DPP6: variants seen among roughly 807,000 people sequenced by gnomAD.
DPP6 encodes the protein dipeptidyl peptidase like 6.
A neutral mutation model predicts 122.6 loss-of-function variants in DPP6; 69 were observed. The ratio of observed to expected loss-of-function variants is 0.56; its 90% CI spans 0.46 to 0.69. DPP6 has a LOEUF of 0.69. DPP6 is among the 30% of genes least tolerant of loss of function. The pLI is 0.00. For missense variants in DPP6, 928 were observed against 1,116.9 expected (o/e 0.83, Z 2.41); for synonymous variants, 418 against 433.1 (o/e 0.97, Z 0.43).
chr7:154,459,015 G>A (rs1205288848), intron 2 of DPP6, among the ~76,000 whole-genome samples: 1 of 152,208 alleles, frequency 6.6e-6, no homozygotes, highest in African/African-American at 2.4e-5. Flanking sequence ...AGGAGAGGAA[G>A]AGGAATAGGA....
chr7:153,867,676 TC>T, the DPP6 span, among the ~76,000 whole-genome samples: 1 of 152,194 alleles, frequency 6.6e-6, no homozygotes, highest in Admixed American at 6.5e-5. Context: ...GGCCAGAACT[TC>T]CAACACTATG....
intron 8 of DPP6, among the ~76,000 whole-genome samples, chr7:154,730,829 A>G (rs1842303678): frequency 6.6e-6 from 1 of 152,242 alleles, no homozygotes; most frequent in Non-Finnish European, 1.5e-5. Context: ...GAGATTTAAA[A>G]TATCTTTTTT....
intron 5 of DPP6, among the ~76,000 whole-genome samples, chr7:154,598,212 CTGCT>C (rs1463444126): frequency 6.6e-6 from 1 of 152,174 alleles, no homozygotes; most frequent in Non-Finnish European, 1.5e-5. Flanking sequence ...ATATATGAAA[CTGCT>C]TGCGTTTCAC....
chr7:154,164,083 A>G (rs548153783), intron 1 of DPP6, among the ~76,000 whole-genome samples: 1 of 152,024 alleles, frequency 6.6e-6, no homozygotes, highest in Non-Finnish European at 1.5e-5. Context: ...CCAGGCACCC[A>G]AGGTCTGGCC....
At chr7:153,757,982 G>A in the DPP6 span, among the ~76,000 whole-genome samples, 1 of 152,092 alleles carries the variant, frequency 6.6e-6, no homozygotes, top group Admixed American at 6.6e-5. Flanking sequence ...AAGAAAGAAA[G>A]AACCATAGGC....
At chr7:154,275,594 C>A (rs1489971275) in intron 1 of DPP6, among the ~76,000 whole-genome samples, 3 of 152,184 alleles carry the variant, frequency 2.0e-5, no homozygotes, top group African/African-American at 7.2e-5. Context: ...TTTACAATGG[C>A]TTGCTCTTTA....
intron 10 of DPP6, among the ~76,000 whole-genome samples, chr7:154,784,118 T>C (rs925699170): frequency 9.2e-5 from 14 of 152,132 alleles, no homozygotes; most frequent in Admixed American, 3.9e-4. Context: ...TGTGTTTCAT[T>C]GCCTGTGAGC....
intron 1 of DPP6, among the ~76,000 whole-genome samples, chr7:154,153,520 C>T (rs1430775077): frequency 6.6e-6 from 1 of 152,194 alleles, no homozygotes; most frequent in South Asian, 2.1e-4. Flanking sequence ...CTTGTTACAT[C>T]AGCCATTTCA....
At chr7:154,670,744 G>T (rs1458963510) in intron 7 of DPP6, among the ~76,000 whole-genome samples, 1 of 152,116 alleles carries the variant, frequency 6.6e-6, no homozygotes, top group Admixed American at 6.6e-5. Context: ...CCACAGAATT[G>T]TATCGGATAG....
At chr7:154,519,236 T>C (rs1298319640) in intron 3 of DPP6, among the ~76,000 whole-genome samples, 3 of 152,216 alleles carry the variant, frequency 2.0e-5, no homozygotes, top group African/African-American at 7.2e-5. Flanking sequence ...TGTATACTAA[T>C]GATGCCACTT....
intron 1 of DPP6, among the ~76,000 whole-genome samples, chr7:154,421,105 A>G (rs926478990): frequency 3.3e-5 from 5 of 152,286 alleles, no homozygotes; most frequent in Middle Eastern, 3.4e-3. Context: ...GACTTTGGGC[A>G]CCCACGTCAC....
chr7:154,578,994 C>T (rs572158886), intron 5 of DPP6, among the ~76,000 whole-genome samples: 1 of 152,294 alleles, frequency 6.6e-6, no homozygotes, highest in South Asian at 2.1e-4. Context: ...CTGAGCAACA[C>T]GTGCAGAGCT....
chr7:154,662,411 C>G, intron 6 of DPP6, among the ~76,000 whole-genome samples: 1 of 129,846 alleles, frequency 7.7e-6, no homozygotes, highest in South Asian at 2.4e-4. Flanking sequence ...TGTGAATCAC[C>G]ATGGCGTATC....
chr7:154,825,686 G>A (rs917143452), intron 16 of DPP6, among the ~76,000 whole-genome samples: 1 of 152,142 alleles, frequency 6.6e-6, no homozygotes, highest in Non-Finnish European at 1.5e-5. Flanking sequence ...ACTGCTTCCC[G>A]TGCCCCAACT....
intron 1 of DPP6, among the ~76,000 whole-genome samples, chr7:154,254,371 A>G (rs1268231367): frequency 6.6e-6 from 1 of 152,166 alleles, no homozygotes; most frequent in African/African-American, 2.4e-5. Flanking sequence ...AGTAGGTGTA[A>G]TTAGAGGTAG....
intron 1 of DPP6, among the ~76,000 whole-genome samples, chr7:154,418,298 T>C (rs1419433588): frequency 6.6e-6 from 1 of 152,264 alleles, no homozygotes; most frequent in East Asian, 1.9e-4. Context: ...GTTCTGTTAG[T>C]GTTGTTCACT....
chr7:154,531,020 A>G (rs914914312), intron 3 of DPP6, among the ~76,000 whole-genome samples: 1 of 152,090 alleles, frequency 6.6e-6, no homozygotes, highest in Non-Finnish European at 1.5e-5. Flanking sequence ...GGGAGGGAGA[A>G]CATCAGGAAG....
chr7:154,652,579 A>C (rs1836946820), intron 6 of DPP6, among the ~76,000 whole-genome samples: 1 of 152,086 alleles, frequency 6.6e-6, no homozygotes, highest in African/African-American at 2.4e-5. Flanking sequence ...TGTGTTGAAC[A>C]TGCTAGAACA....
chr7:154,526,176 T>TAAA (rs1430383101), intron 3 of DPP6, among the ~76,000 whole-genome samples: 1 of 152,210 alleles, frequency 6.6e-6, no homozygotes, highest in Non-Finnish European at 1.5e-5. Context: ...AATTTGTTTT[T>TAAA]AACTATTTAA....
Sources: allele counts gnomAD v4.1 joint callset (sites outside exome capture counted in the v4.1 genomes callset), GRCh38; gene constraint gnomAD v4.1.1; transcripts MANE v1.5; gene names NCBI Gene and HGNC (gene_info 2026-07-23, HGNC 2026-07-21).